The following EYS variants were observed in gnomAD, a reference collection of about 807,000 sequenced individuals.
The protein encoded by EYS is EGF-like photoreceptor maintenance factor.
Under a neutral mutation model 282.1 loss-of-function variants are expected in EYS, and 250 were observed. That is an observed-to-expected ratio of 0.89 (90% CI 0.80 to 0.98). The LOEUF (loss-of-function observed/expected upper bound fraction) is 0.98. EYS is among the 50% of genes least tolerant of loss of function. The pLI is 0.00. For missense variants in EYS, 4,016 were observed against 3,709.0 expected (o/e 1.08, Z -2.15); for synonymous variants, 1,355 against 1,282.9 (o/e 1.06, Z -1.20).
At chr6:64,025,604 C>T (rs1769458222) in intron 33 of EYS, among the ~76,000 whole-genome samples, 1 of 152,162 alleles carries the variant, frequency 6.6e-6, no homozygotes, top group Admixed American at 6.5e-5. Flanking sequence ...CACCTGGGCT[C>T]ACCAATCAGA....
rs201823777 is a variant in EYS, at chr6:65,335,073, C to T, written c.1673G>A (p.Trp558Ter). 278 of 1,611,960 alleles carry T rather than the reference C, an allele frequency of 1.7e-4. No homozygotes were observed. The highest frequency in any genetic ancestry group is 2.2e-4 in the Non-Finnish European group (264 of 1,178,886). The change falls in exon 11 of 43, where the codon TGG becomes TAG. Residue 558 changes from tryptophan to a stop codon, truncating the protein, a stop_gained. Coordinates refer to ENST00000503581, the MANE Select transcript of EYS (RefSeq NM_001142800.2). LOFTEE classifies it high-confidence loss of function. ...ATTTTCCAGATACATGTTGCCAGCC[C>T]ATCTGAGAAAACATAGATACCGATA... ...QEYRYLCFLRWAGNMYLENTT... is the reference protein window; with the variant it reads ...QEYRYLCFLR
At chr6:64,760,847 G>A (rs1218572555) in intron 22 of EYS, among the ~76,000 whole-genome samples, 1 of 152,212 alleles carries the variant, frequency 6.6e-6, no homozygotes, top group African/African-American at 2.4e-5. Flanking sequence ...GAACTGGTAA[G>A]ATGAGACATA....
chr6:65,056,325 T>TA, intron 13 of EYS, among the ~76,000 whole-genome samples: 1 of 152,098 alleles, frequency 6.6e-6, no homozygotes, highest in Non-Finnish European at 1.5e-5. Context: ...TTTGATTTTT[T>TA]AAATTGAAGA....
At chr6:64,261,572 G>A (rs1426339170) in intron 30 of EYS, among the ~76,000 whole-genome samples, 11 of 151,930 alleles carry the variant, frequency 7.2e-5, no homozygotes, top group Non-Finnish European at 1.6e-4. Flanking sequence ...TTATTAACAT[G>A]TAATCAATGA....
At chr6:64,975,916 TA>T (rs35101846) in intron 14 of EYS, among the ~76,000 whole-genome samples, 4 of 151,970 alleles carry the variant, frequency 2.6e-5, no homozygotes, top group East Asian at 3.9e-4. Flanking sequence ...GTGATTTTTT[TA>T]AAAAAAGCTA....
At chr6:65,380,600 C>T (rs1366088274) in intron 8 of EYS, among the ~76,000 whole-genome samples, 2 of 152,054 alleles carry the variant, frequency 1.3e-5, no homozygotes, top group Non-Finnish European at 2.9e-5. Flanking sequence ...GCAATTGCAA[C>T]AAAAGCCAAA....
chr6:65,558,639 C>T (rs1179029894), intron 2 of EYS, among the ~76,000 whole-genome samples: 1 of 152,170 alleles, frequency 6.6e-6, no homozygotes, highest in Non-Finnish European at 1.5e-5. Flanking sequence ...CCACTGCCAC[C>T]AACAAGATGA....
At chr6:65,471,146 A>G (rs1047513722) in intron 5 of EYS, among the ~76,000 whole-genome samples, 1 of 151,590 alleles carries the variant, frequency 6.6e-6, no homozygotes, top group African/African-American at 2.4e-5. Flanking sequence ...CAAAAAACAA[A>G]CAAACAAAAA....
At chr6:65,132,961 C>T (rs778464683) in intron 12 of EYS, among the ~76,000 whole-genome samples, 2 of 151,720 alleles carry the variant, frequency 1.3e-5, no homozygotes, top group African/African-American at 4.8e-5. Flanking sequence ...ATCTCATTCA[C>T]AATTGCAACA....
intron 26 of EYS, among the ~76,000 whole-genome samples, chr6:64,545,736 C>T (rs866158157): frequency 2.0e-5 from 3 of 152,134 alleles, no homozygotes; most frequent in Admixed American, 6.5e-5. Context: ...AACAGACACA[C>T]AAAGAGCCAA....
chr6:64,590,165 C>G, intron 26 of EYS, 58 bp downstream of exon 26: 1 of 1,391,344 alleles, frequency 7.2e-7, no homozygotes, highest in Non-Finnish European at 9.6e-7. Context: ...GCTCTTTCTT[C>G]TCTGTAGAAA....
chr6:65,386,003 A>G (rs1337598451), intron 7 of EYS, among the ~76,000 whole-genome samples: 2 of 151,874 alleles, frequency 1.3e-5, no homozygotes, highest in Non-Finnish European at 2.9e-5. Flanking sequence ...GCAGTTAAAG[A>G]CACATGTGAC....
intron 10 of EYS, among the ~76,000 whole-genome samples, chr6:65,341,133 G>A (rs1770186603): frequency 6.6e-6 from 1 of 151,134 alleles, no homozygotes; most frequent in Non-Finnish European, 1.5e-5. Flanking sequence ...GGTTCTATAA[G>A]TACATCATTC....
intron 40 of EYS, chr6:63,777,759 G>T: frequency 2.6e-6 from 1 of 391,602 alleles, no homozygotes; most frequent in Non-Finnish European, 4.7e-6. Context: ...ATTTTTCATG[G>T]TGCCTGGAAT....
At chr6:65,293,033 A>G (rs1768569476) in intron 12 of EYS, among the ~76,000 whole-genome samples, 1 of 151,712 alleles carries the variant, frequency 6.6e-6, no homozygotes, top group South Asian at 2.1e-4. Context: ...CTCATCTCAA[A>G]CAGGAAACGG....
chr6:65,410,386 A>G (rs1486585717), intron 5 of EYS, among the ~76,000 whole-genome samples: 1 of 152,074 alleles, frequency 6.6e-6, no homozygotes, highest in Admixed American at 6.6e-5. Context: ...TTTATCATTT[A>G]TTCGTGGCAA....
intron 42 of EYS, among the ~76,000 whole-genome samples, 156 bp from the exon 43 acceptor site, chr6:63,721,953 C>CA (rs1768415212): frequency 6.6e-6 from 1 of 152,106 alleles, no homozygotes; most frequent in African/African-American, 2.4e-5. Context: ...ACTCACAGAG[C>CA]AAAATGCATA....
intron 22 of EYS, among the ~76,000 whole-genome samples, chr6:64,786,436 G>A (rs1320056504): frequency 1.3e-5 from 2 of 152,132 alleles, no homozygotes; most frequent in African/African-American, 2.4e-5. Flanking sequence ...CCTAGCCCAC[G>A]AAAAAGCTGG....
Position 65,387,400 on chromosome 6 carries a change from T to C in EYS, c.1185-2900A>G, listed in dbSNP as rs151214026. The stretch of plus-strand genomic sequence containing the variant: ...TTAAAGTTAATTTATAAGATAAAAA[T>C]CAGTGAAACAATATTTACTACATTT... On this transcript the variant is annotated intron_variant, in intron 7 of 42. Transcript: ENST00000503581. Among the ~76,000 whole-genome samples the C allele has an allele frequency of 2.6e-5, 4 of 152,006 alleles. No individual in the cohort carries two copies. In the East Asian group the frequency reaches 7.7e-4, roughly 29 times the overall value.
Sources: gnomAD v4.1 joint callset for allele counts (sites outside exome capture counted in the v4.1 genomes callset) on GRCh38, gnomAD v4.1.1 for gene constraint, MANE v1.5 for transcripts, NCBI Gene and HGNC (gene_info 2026-07-23, HGNC 2026-07-21) for gene names.